DST: variants seen among roughly 807,000 people sequenced by gnomAD.
DST encodes the protein bullous pemphigoid antigen.
In DST, 253 loss-of-function variants were observed where a neutral mutation model predicts 875.2. The observed-to-expected ratio is 0.29, with a 90% confidence interval of 0.26 to 0.32. The LOEUF is 0.32. Among genes scored for constraint, DST ranks in the 10% least tolerant of loss-of-function variants. The pLI is 1.00. For missense variants in DST, 8,287 were observed against 9,111.6 expected (o/e 0.91, Z 3.68); for synonymous variants, 3,124 against 3,197.1 (o/e 0.98, Z 0.77).
chr6:56,629,207 G>C, intron 32 of DST, 43 bp downstream of exon 32: 1 of 1,581,984 alleles, frequency 6.3e-7, no homozygotes, highest in South Asian at 1.1e-5. Flanking sequence ...ACCATAGATA[G>C]ACATTAAATC....
intron 10 of DST, among the ~76,000 whole-genome samples, chr6:56,655,005 A>T (rs910934828): frequency 1.3e-5 from 2 of 152,110 alleles, no homozygotes; most frequent in Middle Eastern, 3.4e-3. Flanking sequence ...CACTAAAAAT[A>T]CAAAACTTAG....
chr6:56,661,564 T>C (rs1417711801), intron 10 of DST, among the ~76,000 whole-genome samples: 2 of 151,504 alleles, frequency 1.3e-5, no homozygotes, highest in South Asian at 4.2e-4. Flanking sequence ...TCTCATAAGC[T>C]AACTCAAGAC....
intron 2 of DST, among the ~76,000 whole-genome samples, chr6:56,946,629 C>T (rs1169113673): frequency 6.6e-6 from 1 of 152,192 alleles, no homozygotes; most frequent in Admixed American, 6.5e-5. Context: ...TCAGTGTGGA[C>T]GACAGATGAA....
At chr6:56,582,991 A>G (rs1250939937) in intron 49 of DST, among the ~76,000 whole-genome samples, 1 of 152,074 alleles carries the variant, frequency 6.6e-6, no homozygotes, top group Non-Finnish European at 1.5e-5. Context: ...AATCCAGTCT[A>G]TCATTGTTGG....
chr6:56,537,059 T>C (rs1038147376), intron 61 of DST, 119 bp from the exon 62 acceptor site: 5 of 844,194 alleles, frequency 5.9e-6, no homozygotes, highest in East Asian at 2.7e-5. Flanking sequence ...GAGGTAAAGA[T>C]AATTTTTATT....
chr6:56,900,208 AAC>A (rs2127688292), intron 3 of DST, among the ~76,000 whole-genome samples: 1 of 149,852 alleles, frequency 6.7e-6, no homozygotes, highest in South Asian at 2.1e-4. Context: ...GACAGTGACT[AAC>A]TCTTGCTTTT....
rs962879830 is a variant in DST at position 56,941,548 on chromosome 6, T to C, written c.216+12237A>G. Among the ~76,000 whole-genome samples, 9 of 152,206 alleles carry C rather than the reference T, an allele frequency of 5.9e-5. No homozygotes were observed. In the East Asian group the frequency reaches 1.5e-3, roughly 26 times the overall value. On this transcript the variant is annotated intron_variant, in intron 2 of 103. Transcript: ENST00000680361. The stretch of plus-strand genomic sequence containing the variant: ...CCCAGGCTGCAGTGCAATGGTGCTA[T>C]CATGGTTCACCACAACTTCACCCAC...
chr6:56,666,841 TC>T (rs1428959812), intron 10 of DST, among the ~76,000 whole-genome samples: 1 of 150,968 alleles, frequency 6.6e-6, no homozygotes, highest in African/African-American at 2.4e-5. Context: ...ACTCAAGCTA[TC>T]CACCCACCTC....
At chr6:56,679,202 C>T (rs1406122455) in intron 9 of DST, among the ~76,000 whole-genome samples, 1 of 152,104 alleles carries the variant, frequency 6.6e-6, no homozygotes. Flanking sequence ...CACTTCCTTG[C>T]TAATATCCGT....
intron 4 of DST, among the ~76,000 whole-genome samples, chr6:56,762,677 C>G (rs2099620124): frequency 6.6e-6 from 1 of 152,112 alleles, no homozygotes; most frequent in South Asian, 2.1e-4. Context: ...ATGTAAAATA[C>G]CTGCGCAACT....
At chr6:56,855,220 A>G (rs564221046) in intron 3 of DST, among the ~76,000 whole-genome samples, 2 of 152,360 alleles carry the variant, frequency 1.3e-5, no homozygotes, top group Admixed American at 1.3e-4. Context: ...TGCTGCTTTA[A>G]GTCAAAGGAC....
Position 56,606,069 on chromosome 6 carries a change from A to G in DST, c.8559T>C (p.Asn2853=). 1 of 1,612,798 alleles carries G rather than the reference A, an allele frequency of 6.2e-7. No homozygotes were observed. The change falls in exon 40 of 104, where the codon AAT becomes AAC. Residue 2853 remains asparagine, a synonymous_variant. Transcript: ENST00000680361. ...TATCCAGAAGAATCATTGTATTAAT[A>G]TTTTCATTTTCATCACTGTTTTCAT... ...ILNENSDENE[N]INTMILLDKM... is the part of the protein sequence containing the mutation.
intron 4 of DST, among the ~76,000 whole-genome samples, chr6:56,767,254 C>A (rs1043097303): frequency 1.8e-4 from 27 of 151,950 alleles, no homozygotes; most frequent in African/African-American, 6.5e-4. Context: ...CACTGGTAAA[C>A]AAAACAAAGA....
intron 4 of DST, among the ~76,000 whole-genome samples, chr6:56,822,045 T>C (rs1382500223): frequency 6.6e-6 from 1 of 152,220 alleles, no homozygotes; most frequent in Non-Finnish European, 1.5e-5. Flanking sequence ...ACAACATTTC[T>C]ATAGTCTATC....
chr6:56,642,263 A>C, intron 16 of DST, 147 bp downstream of exon 16: 1 of 870,248 alleles, frequency 1.1e-6, no homozygotes, highest in Non-Finnish European at 1.9e-6. Context: ...TCAAGAGAGC[A>C]AACACCAATC....
chr6:56,604,123 G>T lies in DST; in HGVS notation c.10505C>A (p.Ser3502Ter). ...GTCTCCAACATGTTCTATTTTCTCTGAATATCCATCAGCAAGCAGTTTGTA... is the reference window on the plus strand; with the variant it reads ...GTCTCCAACATGTTCTATTTTCTCTTAATATCCATCAGCAAGCAGTTTGTA... ...IFYKLLADGY[S>*]EKIEHVGDFN... The change falls in exon 40 of 104, where the codon TCA becomes TAA. Residue 3502 changes from serine (S) to a stop codon, truncating the protein, a stop_gained. Coordinates refer to ENST00000680361, the MANE Select transcript of DST (RefSeq NM_001374736.1). LOFTEE classifies it high-confidence loss of function. 6.3e-7 allele frequency: 1 copy of T among 1,579,402 alleles called. No homozygotes were observed. Among genetic ancestry groups the T allele is most frequent in the Non-Finnish European group, 8.6e-7 (1 of 1,160,482 alleles).
chr6:56,757,544 G>T (rs552791485), intron 4 of DST, among the ~76,000 whole-genome samples: 1 of 152,128 alleles, frequency 6.6e-6, no homozygotes, highest in Non-Finnish European at 1.5e-5. Flanking sequence ...TTCTGATGGG[G>T]ACACATGGTA....
At chr6:56,620,692 A>C in intron 36 of DST, 1 of 1,614,096 alleles carries the variant, frequency 6.2e-7, no homozygotes, top group Non-Finnish European at 8.5e-7. Context: ...CCCCATGTTC[A>C]GAAGTCTCCT....
chr6:56,851,511 G>A lies in DST; in HGVS notation c.511C>T (p.Pro171Ser). The change falls in exon 4 of 104, where the codon CCA (proline) becomes TCA (serine). Residue 171 changes from proline (P) to serine (S), a missense_variant. Pro to Ser is a moderately conservative substitution (Grantham distance 74). Transcript: ENST00000680361. ...CAGGGTAAGGTGTCTCCCGGAGCTGGGGATGCGGAGCCAGATTTCTGGCTG... is the reference window on the plus strand; with the variant it reads ...CAGGGTAAGGTGTCTCCCGGAGCTGAGGATGCGGAGCCAGATTTCTGGCTG... The part of the protein sequence containing the change: ...DFSQKSGSAS[P>S]APGDTLPWNL... 1 of 1,613,992 alleles carries A rather than the reference G, an allele frequency of 6.2e-7. No homozygotes were observed. The highest frequency in any genetic ancestry group is 1.3e-5 in the African/African-American group (1 of 75,038).
Sources: gnomAD v4.1 joint callset for allele counts (sites outside exome capture counted in the v4.1 genomes callset) on GRCh38, gnomAD v4.1.1 for gene constraint, MANE v1.5 for transcripts, NCBI Gene and HGNC (gene_info 2026-07-23, HGNC 2026-07-21) for gene names.